Variants in CRIP3 observed in about 807,000 individuals in gnomAD.
CRIP3 encodes cysteine-rich protein 3.
In CRIP3, 23 loss-of-function variants were observed where a neutral mutation model predicts 30.3. The ratio of observed to expected loss-of-function variants is 0.76; its 90% CI spans 0.55 to 1.08. The LOEUF (loss-of-function observed/expected upper bound fraction) is 1.08, where lower values mean the gene tolerates loss of function less well. CRIP3 is among the 50% of genes least tolerant of loss of function. The pLI, the probability that CRIP3 is intolerant of heterozygous loss-of-function variation, is 0.00. For missense variants in CRIP3, 261 were observed against 259.3 expected (o/e 1.01, Z -0.04); for synonymous variants, 89 against 97.6 (o/e 0.91, Z 0.52).
chr6:43,305,878 G>A lies in CRIP3; in HGVS notation c.554-3C>T. The A allele has an allele frequency of 6.2e-7, 1 of 1,600,206 alleles. No individual in the cohort carries two copies. The highest frequency in any genetic ancestry group is 8.6e-7 in the Non-Finnish European group (1 of 1,169,366). On this transcript the variant is annotated splice_region_variant and splice_polypyrimidine_tract_variant and intron_variant, in intron 7 of 7. Transcript: ENST00000372569. ...GCCCACATCGCCAATGTTCACACCT[G>A]AGAGAGAGAGCCCTATCACCAAAGG...
chr6:43,306,305 C>T lies in CRIP3; in HGVS notation c.409G>A (p.Val137Met). 1 of 1,614,134 alleles carries T rather than the reference C, an allele frequency of 6.2e-7. No individual in the cohort carries two copies. Among genetic ancestry groups the T allele is most frequent in the South Asian group, 1.1e-5 (1 of 91,080 alleles). The change falls in exon 6 of 8, where the codon GTG (valine) becomes ATG (methionine). Residue 137 changes from valine to methionine, a missense_variant. Physicochemically the swap from Val to Met is conservative, Grantham distance 21. Transcript: ENST00000372569. Reference protein sequence around the residue: ...CGEPVYFAEKVMSLGRNWHRP... With the variant: ...CGEPVYFAEKMMSLGRNWHRP... ...TGCCAATTTCTGCCTAATGACATCA[C>T]CTTCTCAGCTGGTGGTGGAAAGAAG...
Position 43,306,077 on chromosome 6 carries a change from A to C in CRIP3, c.543T>G (p.Phe181Leu). ...YCHVPCYGYL[F>L]GPKGVNIGDV... ...GATGGGGCTGCCCACCTTTGGGGCC[A>C]AACAGGTAGCCGTAGCAGGGGACGT... The change falls in exon 7 of 8, where the codon TTT becomes TTG. Residue 181 changes from phenylalanine to leucine, a missense_variant. Transcript: ENST00000372569. 1 of 1,613,580 alleles carries C rather than the reference A, an allele frequency of 6.2e-7. No individual in the cohort carries two copies. The highest frequency in any genetic ancestry group is 8.5e-7 in the Non-Finnish European group (1 of 1,179,728).
chr6:43,307,688 A>G lies in CRIP3; in HGVS notation c.252T>C (p.Pro84=). Residue 84 remains proline (P), a synonymous_variant, in exon 4 of 8, where the codon CCT becomes CCC. Coordinates refer to ENST00000372569, the MANE Select transcript of CRIP3 (RefSeq NM_206922.3). ...SYLYNPPTPS[P]GCTTPLSPSS... ...TGGGGCTGAGAGGAGTGGTGCAGCC[A>G]GGGCTGGGAGTGGGGGGATTGTACA... is the stretch of plus-strand genomic sequence containing the variant. 1 of 1,532,886 alleles carries G rather than the reference A, an allele frequency of 6.5e-7. No homozygotes were observed. Among genetic ancestry groups the G allele is most frequent in the Non-Finnish European group, 8.8e-7 (1 of 1,136,062 alleles). 95.0% of individuals were successfully genotyped at this position (1,532,886 alleles called of 1,614,324 possible).
At chr6:43,308,625 G>T in intron 1 of CRIP3, 125 bp downstream of exon 1, 1 of 1,220,222 alleles carries the variant, frequency 8.2e-7, no homozygotes, top group Non-Finnish European at 1.2e-6. Flanking sequence ...GTGGTGCGGA[G>T]ACTACCAGCC....
At position 43,307,823 on chromosome 6, in the gene CRIP3, T is replaced by C; in HGVS notation, c.196+16A>G. ...AGGGTTCTGCTGACCCATGGCCCCTTAAGGCTGGTACTTACCCCTGGGTCC... is the reference window on the plus strand; with the variant it reads ...AGGGTTCTGCTGACCCATGGCCCCTCAAGGCTGGTACTTACCCCTGGGTCC... On this transcript the variant is annotated intron_variant, in intron 3 of 7. Coordinates refer to ENST00000372569, the MANE Select transcript of CRIP3 (RefSeq NM_206922.3). 3.7e-6 allele frequency: 6 copies of C among 1,613,894 alleles called. No individual in the cohort carries two copies. The highest frequency in any genetic ancestry group is 5.1e-6 in the Non-Finnish European group (6 of 1,179,900).
rs892839005 is a variant in CRIP3, at chr6:43,308,001, G to A, written c.139-105C>T. On this transcript the variant is annotated intron_variant, in intron 2 of 7. Coordinates refer to ENST00000372569, the MANE Select transcript of CRIP3 (RefSeq NM_206922.3). Reference sequence around the variant, plus strand: ...CCAGGTGTGTCTGTCCACTGGCTGAGTCTGGTGGGCCTGGGAGGGGTGGGG... The same window carrying A: ...CCAGGTGTGTCTGTCCACTGGCTGAATCTGGTGGGCCTGGGAGGGGTGGGG... The A allele has an allele frequency of 3.9e-6, 5 of 1,269,706 alleles. No homozygotes were observed. The African/African-American group carries it at 4.4e-5, about 11-fold the overall frequency. 78.7% of individuals were successfully genotyped at this position (1,269,706 alleles called of 1,614,324 possible). A position where few individuals can be genotyped will look rare whatever the true frequency, so the allele number is the denominator to read the frequency against.
chr6:43,307,466 G>A (rs1445856613), intron 4 of CRIP3, 146 bp downstream of exon 4: 1 of 716,872 alleles, frequency 1.4e-6, no homozygotes, highest in Admixed American at 3.1e-5. Flanking sequence ...AAAAAGCGGG[G>A]AGTAGATAGA....
chr6:43,308,018 G>A, intron 2 of CRIP3, 122 bp from the exon 3 acceptor site: 2 of 1,102,900 alleles, frequency 1.8e-6, no homozygotes, highest in Non-Finnish European at 2.7e-6. Context: ...GGGCCTGGGA[G>A]GGGTGGGGGA....
chr6:43,306,091 A>G lies in CRIP3; in HGVS notation c.529T>C (p.Tyr177His). 1 of 1,613,886 alleles carries G rather than the reference A, an allele frequency of 6.2e-7. No individual in the cohort carries two copies. The stretch of plus-strand genomic sequence containing the variant: ...CCTTTGGGGCCAAACAGGTAGCCGT[A>G]GCAGGGGACGTGGCAGTAGGGGACT... Reference protein sequence around the residue: ...DGVPYCHVPCYGYLFGPKGVN... With the variant: ...DGVPYCHVPCHGYLFGPKGVN... The change falls in exon 7 of 8, where the codon TAC becomes CAC. Residue 177 changes from tyrosine to histidine, a missense_variant. Coordinates refer to ENST00000372569, the MANE Select transcript of CRIP3 (RefSeq NM_206922.3).
chr6:43,306,760 G>A (rs1267601333), intron 4 of CRIP3: 1 of 480,016 alleles, frequency 2.1e-6, no homozygotes, highest in Non-Finnish European at 3.7e-6. Flanking sequence ...CCTCCCAGGG[G>A]CTCACGTACC....
rs1778980792 is a variant in CRIP3 at position 43,307,874 on chromosome 6, T to C, written c.161A>G (p.His54Arg). 1 of 1,613,732 alleles carries C rather than the reference T, an allele frequency of 6.2e-7. No individual in the cohort carries two copies. The highest frequency in any genetic ancestry group is 1.7e-5 in the Admixed American group (1 of 60,000). ...AAAGAGAGCCCCATAGCATGGCTTG[T>C]GGCAGTATGGCCTCCCATTGTGCTG... ...HAEHNGRPYC[H>R]KPCYGALFGP... The change falls in exon 3 of 8, where the codon CAC becomes CGC. Residue 54 changes from histidine to arginine, a missense_variant. Transcript: ENST00000372569.
Position 43,307,704 on chromosome 6 carries a change from G to T in CRIP3, c.236C>A (p.Pro79His). 1 of 1,556,086 alleles carries T rather than the reference G, an allele frequency of 6.4e-7. No individual in the cohort carries two copies. Among genetic ancestry groups the T allele is most frequent in the Non-Finnish European group, 8.7e-7 (1 of 1,146,824 alleles). ...IGGVGSYLYNPPTPSPGCTTP... is the reference protein window; with the variant it reads ...IGGVGSYLYNHPTPSPGCTTP... ...GGTGCAGCCAGGGCTGGGAGTGGGG[G>T]GATTGTACAAGTAGGAGCCTACACC... The change falls in exon 4 of 8, where the codon CCC becomes CAC. Residue 79 changes from proline to histidine, a missense_variant. Pro to His is a moderately conservative substitution (Grantham distance 77). Coordinates refer to ENST00000372569, the MANE Select transcript of CRIP3 (RefSeq NM_206922.3).
At chr6:43,308,176 G>A in intron 2 of CRIP3, 139 bp downstream of exon 2, 1 of 758,602 alleles carries the variant, frequency 1.3e-6, no homozygotes, top group African/African-American at 1.8e-5. Flanking sequence ...GGCTGGTGTG[G>A]GGTCCACCAG....
In CRIP3 at chr6:43,308,558, G is replaced by A. The variant is rs1390921685; in HGVS notation, c.44-149C>T. On this transcript the variant is annotated intron_variant, in intron 1 of 7. Transcript: ENST00000372569. ...CAGGAGGCCAGCTCCATCCCGCTCC[G>A]GTTTCACACTCCCCACAGAGCTCTC... 1.4e-5 allele frequency: 13 copies of A among 913,622 alleles called. No individual in the cohort carries two copies. In the African/African-American group the frequency reaches 2.2e-4, roughly 15 times the overall value. The allele number at this position is 913,622 out of a possible 1,614,324, so 56.6% of individuals were successfully genotyped here. A position where few individuals can be genotyped will look rare whatever the true frequency, so the allele number is the denominator to read the frequency against.
chr6:43,308,624 A>C (rs974774502), intron 1 of CRIP3, 126 bp downstream of exon 1: 3 of 1,207,388 alleles, frequency 2.5e-6, no homozygotes, highest in East Asian at 2.4e-5. Flanking sequence ...GGTGGTGCGG[A>C]GACTACCAGC....
chr6:43,305,837 G>A lies in CRIP3; in HGVS notation c.592C>T (p.Pro198Ser). Reference protein sequence around the residue: ...IGDVGCYIYDPVKIKFK With the variant: ...IGDVGCYIYDSVKIKFK ...TCTCATTTGAATTTTATCTTCACTG[G>A]GTCATAGATGTAGCAGCCCACATCG... is the stretch of plus-strand genomic sequence containing the variant. The change falls in exon 8 of 8, where the codon CCA (proline) becomes TCA (serine). Residue 198 changes from proline (P) to serine (S), a missense_variant. Pro to Ser is a moderately conservative substitution (Grantham distance 74). Transcript: ENST00000372569. The A allele has an allele frequency of 6.2e-7, 1 of 1,614,094 alleles. No individual in the cohort carries two copies. Among genetic ancestry groups the A allele is most frequent in the Non-Finnish European group, 8.5e-7 (1 of 1,180,036 alleles).
Position 43,307,740 on chromosome 6 carries a change from A to G in CRIP3, c.200T>C (p.Val67Ala), listed in dbSNP as rs545458904. ...GTAGGAGCCTACACCACCAATGTTC[A>G]CCCCTGAAGAGAGAATAGGGGAGGT... is the stretch of plus-strand genomic sequence containing the variant. ...CYGALFGPRG[V>A]NIGGVGSYLY... Residue 67 changes from valine (V) to alanine (A), a missense_variant, in exon 4 of 8, where the codon GTG becomes GCG. Val to Ala is a moderately conservative substitution (Grantham distance 64). Coordinates refer to ENST00000372569, the MANE Select transcript of CRIP3 (RefSeq NM_206922.3). 1.3e-6 allele frequency: 2 copies of G among 1,584,514 alleles called. No individual in the cohort carries two copies. The highest frequency in any genetic ancestry group is 4.6e-5 in the East Asian group (2 of 43,874).
At chr6:43,305,938 G>A in intron 7 of CRIP3, 63 bp from the exon 8 acceptor site, 1 of 1,611,838 alleles carries the variant, frequency 6.2e-7, no homozygotes, top group Non-Finnish European at 8.5e-7. Flanking sequence ...AGGCCTAGAG[G>A]GAACTTGGTG....
At chr6:43,307,499 T>C (rs1474583505) in intron 4 of CRIP3, 113 bp downstream of exon 4, 12 of 1,040,526 alleles carry the variant, frequency 1.2e-5, no homozygotes, top group South Asian at 3.5e-5. Context: ...AAGAATGAAG[T>C]TGTGAGAATG....
Sources: allele counts gnomAD v4.1 joint callset, GRCh38; gene constraint gnomAD v4.1.1; transcripts MANE v1.5; gene names NCBI Gene and HGNC (gene_info 2026-07-23, HGNC 2026-07-21).